CATSPERE: variants seen among roughly 807,000 people sequenced by gnomAD.
CATSPERE encodes catsper channel auxiliary subunit epsilon, also known as cation channel sperm-associated auxiliary subunit epsilon.
CATSPERE carries 93 observed loss-of-function variants against 114.1 expected under a neutral mutation model. The observed-to-expected ratio is 0.81, with a 90% CI of 0.69 to 0.97. The LOEUF (loss-of-function observed/expected upper bound fraction) is 0.97, where lower values mean the gene tolerates loss of function less well. CATSPERE is among the 50% of genes least tolerant of loss of function. The pLI is 0.00. For missense variants in CATSPERE, 1,058 were observed against 1,131.6 expected (o/e 0.93, Z 0.93); for synonymous variants, 341 against 384.1 (o/e 0.89, Z 1.31).
Position 244,568,570 on chromosome 1 carries a change from GGCT to G in CATSPERE, c.1508-3759_1508-3757del, listed in dbSNP as rs1341707521. 1.3e-5 allele frequency among the ~76,000 whole-genome samples: 2 copies of G among 152,356 alleles called. No homozygotes were observed. Among genetic ancestry groups the G allele is most frequent in the East Asian group, 3.9e-4 (2 of 5,184 alleles). On this transcript the variant is annotated intron_variant, in intron 10 of 21. Transcript: ENST00000366534. This position sits in a 1 kb window ranked among gnomAD's most constrained non-coding sequence, Gnocchi z 4.4. ...GAGGAGGAATCTAGAGAGGCAGTCT[GGCT>G]ATGGCAGCTGTGCCGAGCTGTGGTG...
intron 19 of CATSPERE, among the ~76,000 whole-genome samples, chr1:244,611,398 T>C (rs1438169117): frequency 6.6e-6 from 1 of 151,790 alleles, no homozygotes; most frequent in East Asian, 1.9e-4. Flanking sequence ...AAGACCAGCC[T>C]GGGCAACATG....
intron 17 of CATSPERE, among the ~76,000 whole-genome samples, chr1:244,597,412 G>A (rs1668580570): frequency 6.6e-6 from 1 of 152,014 alleles, no homozygotes; most frequent in South Asian, 2.1e-4. Flanking sequence ...AATTGACACG[G>A]TTAATCATTT....
At chr1:244,542,456 A>G (rs367585434) in intron 8 of CATSPERE, among the ~76,000 whole-genome samples, 5 of 152,068 alleles carry the variant, frequency 3.3e-5, no homozygotes, top group Admixed American at 6.6e-5. Context: ...TCAATAGGTA[A>G]TTTTTTAACC....
At chr1:244,579,415 C>T (rs1184586804) in intron 11 of CATSPERE, among the ~76,000 whole-genome samples, 1 of 152,116 alleles carries the variant, frequency 6.6e-6, no homozygotes, top group Non-Finnish European at 1.5e-5. Context: ...ATAAAATAGA[C>T]TAGTATCCAC....
intron 17 of CATSPERE, among the ~76,000 whole-genome samples, chr1:244,595,928 G>A (rs950737144): frequency 8.6e-5 from 13 of 151,826 alleles, no homozygotes; most frequent in Middle Eastern, 3.4e-3. Flanking sequence ...GCGAGACTCC[G>A]TCTCAAAAAA....
chr1:244,468,917 C>T (rs1316328034), intron 2 of CATSPERE, among the ~76,000 whole-genome samples: 4 of 151,704 alleles, frequency 2.6e-5, no homozygotes, highest in African/African-American at 9.7e-5. Context: ...GACCCTGTTT[C>T]AGAGAGAGAG....
At chr1:244,490,556 G>GA in intron 6 of CATSPERE, 85 bp downstream of exon 6, 1 of 866,060 alleles carries the variant, frequency 1.2e-6, no homozygotes, top group Non-Finnish European at 1.8e-6. Flanking sequence ...ACCAGATGAG[G>GA]AATTTTTCAA....
At position 244,517,246 on chromosome 1, in the gene CATSPERE, TA is replaced by T. The variant is rs201763216; in HGVS notation, c.430-1345del. ...ATTTTTAAGCTTGTTTATATGATTA[TA>T]TTAACTTTTTCTTGATATTTTTCCT... is the stretch of plus-strand genomic sequence containing the variant. On this transcript the variant is annotated intron_variant, in intron 7 of 21. Transcript: ENST00000366534. 7.3e-3 allele frequency among the ~76,000 whole-genome samples: 1,105 copies of T among 152,076 alleles called. 23 individuals carry two copies. Among genetic ancestry groups the T allele is most frequent in the African/African-American group, 0.025 (1,031 of 41,440 alleles).
intron 10 of CATSPERE, among the ~76,000 whole-genome samples, chr1:244,565,324 T>G (rs1259438516): frequency 2.0e-5 from 3 of 152,242 alleles, no homozygotes; most frequent in Non-Finnish European, 2.9e-5. Context: ...GAAGGAATGG[T>G]ACCAGCTCCT....
chr1:244,520,662 T>G (rs1484824613), intron 8 of CATSPERE, among the ~76,000 whole-genome samples: 1 of 152,076 alleles, frequency 6.6e-6, no homozygotes, highest in Admixed American at 6.6e-5. Flanking sequence ...CCCAGGAGTT[T>G]TACATACTGT....
At chr1:244,522,322 T>C (rs77743570) in intron 8 of CATSPERE, among the ~76,000 whole-genome samples, 45,698 of 151,968 alleles carry the variant, frequency 0.3, 8,720 homozygotes, top group African/African-American at 0.55. Context: ...ATCTCTGGGA[T>C]GCATTCAAAG....
At chr1:244,593,361 G>T in intron 15 of CATSPERE, 34 bp from the exon 16 acceptor site, 1 of 1,608,424 alleles carries the variant, frequency 6.2e-7, no homozygotes, top group South Asian at 1.1e-5. Flanking sequence ...TTGAAAAGAG[G>T]AAAGAGAAAT....
At chr1:244,613,951 C>T (rs7546778) in intron 19 of CATSPERE, among the ~76,000 whole-genome samples, 7,602 of 151,988 alleles carry the variant, frequency 0.05, 582 homozygotes, top group African/African-American at 0.17. Flanking sequence ...GGAGTGGGAC[C>T]GGCAGTTTTA....
At chr1:244,565,008 T>C (rs1313127575) in intron 10 of CATSPERE, among the ~76,000 whole-genome samples, 3 of 151,078 alleles carry the variant, frequency 2.0e-5, no homozygotes, top group Non-Finnish European at 4.4e-5. Flanking sequence ...GAGACAAACA[T>C]GTGGTTTTTG....
At chr1:244,500,223 C>T (rs985147475) in intron 7 of CATSPERE, among the ~76,000 whole-genome samples, 2 of 151,770 alleles carry the variant, frequency 1.3e-5, no homozygotes, top group African/African-American at 4.8e-5. Context: ...TGTTTAAGTC[C>T]CTTGTAGATT....
intron 5 of CATSPERE, among the ~76,000 whole-genome samples, chr1:244,480,636 G>GCT (rs772282514): frequency 6.6e-6 from 1 of 151,418 alleles, no homozygotes; most frequent in African/African-American, 2.4e-5. Flanking sequence ...AAGCATGGTT[G>GCT]TTGCTGATAG....
chr1:244,491,612 A>C (rs1672179509), intron 6 of CATSPERE, among the ~76,000 whole-genome samples: 1 of 152,220 alleles, frequency 6.6e-6, no homozygotes, highest in Non-Finnish European at 1.5e-5. Context: ...ACTGAGGGAA[A>C]TAGAGACACA....
chr1:244,510,585 CT>C (rs1372585006), intron 7 of CATSPERE, among the ~76,000 whole-genome samples: 4 of 152,072 alleles, frequency 2.6e-5, no homozygotes, highest in Admixed American at 2.0e-4. Flanking sequence ...GTATTCTGTA[CT>C]TTTTATGCAA....
intron 20 of CATSPERE, among the ~76,000 whole-genome samples, chr1:244,626,901 A>G (rs942502388): frequency 6.6e-6 from 1 of 152,218 alleles, no homozygotes; most frequent in Non-Finnish European, 1.5e-5. Context: ...TGTATTCACT[A>G]GAGTAGCACT....
Sources: gnomAD v4.1 joint callset for allele counts (sites outside exome capture counted in the v4.1 genomes callset) on GRCh38, gnomAD v4.1.1 for gene constraint, Gnocchi (gnomAD v3.1) non-coding constraint, MANE v1.5 for transcripts, NCBI Gene and HGNC (gene_info 2026-07-23, HGNC 2026-07-21) for gene names.